The following MYO5A variants were observed in gnomAD, a reference collection of about 807,000 sequenced individuals.
The protein encoded by MYO5A is unconventional myosin-Va.
Under a neutral mutation model 249.7 loss-of-function variants are expected in MYO5A, and 98 were observed. That is an observed-to-expected ratio of 0.39 (90% CI 0.33 to 0.46). The LOEUF (loss-of-function observed/expected upper bound fraction) is 0.46, where lower values mean the gene tolerates loss of function less well. MYO5A is among the 20% of genes least tolerant of loss of function. MYO5A has a pLI of 0.98. For missense variants in MYO5A, 1,696 were observed against 2,308.8 expected (o/e 0.73, Z 5.44); for synonymous variants, 778 against 810.6 (o/e 0.96, Z 0.68).
chr15:52,475,067 C>T (rs1455176836), intron 1 of MYO5A, among the ~76,000 whole-genome samples: 3 of 152,128 alleles, frequency 2.0e-5, no homozygotes, highest in Non-Finnish European at 2.9e-5. Context: ...ATTTCAGAGC[C>T]TGTTATTGGT....
chr15:52,390,544 C>T (rs545884879), intron 12 of MYO5A, among the ~76,000 whole-genome samples: 45 of 150,514 alleles, frequency 3.0e-4, no homozygotes, highest in Non-Finnish European at 1.5e-5. Flanking sequence ...TTATTTCTCC[C>T]TCTCTTTTTT....
intron 9 of MYO5A, among the ~76,000 whole-genome samples, chr15:52,399,678 A>G (rs957412248): frequency 7.9e-5 from 12 of 151,964 alleles, no homozygotes; most frequent in African/African-American, 2.9e-4. Flanking sequence ...TGTATTTTAG[A>G]ATCAGGGGGC....
chr15:52,414,793 C>G (rs1941982408), intron 5 of MYO5A, among the ~76,000 whole-genome samples: 1 of 152,160 alleles, frequency 6.6e-6, no homozygotes. Context: ...ATTCTATTTC[C>G]CCAGTATTAA....
intron 1 of MYO5A, among the ~76,000 whole-genome samples, chr15:52,464,710 G>A (rs2076319554): frequency 6.6e-6 from 1 of 152,198 alleles, no homozygotes; most frequent in African/African-American, 2.4e-5. Flanking sequence ...CATGTGCCAT[G>A]GTAGGCAGTT....
chr15:52,528,285 C>T (rs914132022), intron 1 of MYO5A, among the ~76,000 whole-genome samples: 8 of 152,332 alleles, frequency 5.3e-5, no homozygotes, highest in African/African-American at 1.9e-4. Flanking sequence ...GGTGATACGG[C>T]CACCGTTTGC....
At chr15:52,416,726 T>C (rs961801358) in intron 4 of MYO5A, among the ~76,000 whole-genome samples, 4 of 152,194 alleles carry the variant, frequency 2.6e-5, no homozygotes, top group African/African-American at 7.2e-5. Flanking sequence ...ATCATTTCTT[T>C]TCAAGAAAAA....
At chr15:52,336,631 C>T in intron 33 of MYO5A, 75 bp from the exon 34 acceptor site, 1 of 1,090,024 alleles carries the variant, frequency 9.2e-7, no homozygotes, top group Non-Finnish European at 1.4e-6. Flanking sequence ...AAAATAGACA[C>T]AATATCACAG....
At chr15:52,494,094 A>G (rs2076990338) in intron 1 of MYO5A, among the ~76,000 whole-genome samples, 1 of 152,214 alleles carries the variant, frequency 6.6e-6, no homozygotes, top group Admixed American at 6.5e-5. Flanking sequence ...GGAGGACCAG[A>G]GCAAATCAGC....
chr15:52,397,177 G>C, intron 10 of MYO5A, 24 bp downstream of exon 10: 1 of 1,612,422 alleles, frequency 6.2e-7, no homozygotes, highest in Non-Finnish European at 8.5e-7. Flanking sequence ...TTCTCTGGCA[G>C]ACCAATTAGC....
chr15:52,462,265 C>CA (rs71425749), intron 1 of MYO5A, among the ~76,000 whole-genome samples: 464 of 83,224 alleles, frequency 5.6e-3, no homozygotes, highest in African/African-American at 0.015. Flanking sequence ...GACTCTGTCT[C>CA]AAAAAAAAAA....
intron 34 of MYO5A, among the ~76,000 whole-genome samples, chr15:52,334,882 G>A (rs145442893): frequency 9.2e-5 from 14 of 152,330 alleles, no homozygotes; most frequent in African/African-American, 2.4e-4. Context: ...GAACCATAAC[G>A]TCTGTCTGGG....
chr15:52,445,300 T>C (rs1030564514), intron 1 of MYO5A, among the ~76,000 whole-genome samples: 4 of 152,174 alleles, frequency 2.6e-5, no homozygotes, highest in African/African-American at 9.7e-5. Context: ...TGCCATGTGA[T>C]GTGTCTGCTC....
intron 1 of MYO5A, among the ~76,000 whole-genome samples, chr15:52,453,723 GTT>G (rs1223723011): frequency 1.3e-5 from 2 of 151,826 alleles, no homozygotes; most frequent in African/African-American, 2.4e-5. Context: ...GATTATAGAG[GTT>G]TTTTTTAAAA....
At position 52,327,369 on chromosome 15, in the gene MYO5A, T is replaced by C. The variant is rs181949365; in HGVS notation, c.4710+483A>G. On this transcript the variant is annotated intron_variant, in intron 36 of 41. Coordinates refer to ENST00000399233, the MANE Select transcript of MYO5A (RefSeq NM_001382347.1). Reference sequence around the variant, plus strand: ...GAGCCCTGTTTTGAAAGAAGCCAGATAGACATGTTCAAGGAAGAATGTTTC... The same window carrying C: ...GAGCCCTGTTTTGAAAGAAGCCAGACAGACATGTTCAAGGAAGAATGTTTC... 3.6e-3 allele frequency among the ~76,000 whole-genome samples: 546 copies of C among 152,288 alleles called. 2 individuals carry two copies. The highest frequency in any genetic ancestry group is 4.8e-3 in the Non-Finnish European group (324 of 68,028).
chr15:52,493,651 G>C (rs1162118284), intron 1 of MYO5A, among the ~76,000 whole-genome samples: 2 of 151,508 alleles, frequency 1.3e-5, no homozygotes, highest in African/African-American at 4.9e-5. Flanking sequence ...GATAGAGCGA[G>C]ACTCAGTCTC....
intron 1 of MYO5A, among the ~76,000 whole-genome samples, chr15:52,508,046 C>T (rs909675268): frequency 1.2e-4 from 18 of 151,914 alleles, no homozygotes; most frequent in African/African-American, 3.9e-4. Flanking sequence ...TATGGTCACA[C>T]AAGGAGAAGC....
chr15:52,336,611 G>A, intron 33 of MYO5A, 55 bp from the exon 34 acceptor site: 1 of 1,259,038 alleles, frequency 7.9e-7, no homozygotes, highest in South Asian at 1.3e-5. Context: ...CTTCTAAAAT[G>A]CATCAAAGGA....
chr15:52,394,876 T>G (rs1285691318), intron 11 of MYO5A, among the ~76,000 whole-genome samples: 2 of 152,258 alleles, frequency 1.3e-5, no homozygotes, highest in Non-Finnish European at 2.9e-5. Context: ...TTTTTATTAA[T>G]GTTCTTTATG....
At chr15:52,347,055 T>C (rs1455801615) in intron 29 of MYO5A, among the ~76,000 whole-genome samples, 2 of 152,088 alleles carry the variant, frequency 1.3e-5, no homozygotes, top group East Asian at 3.8e-4. Context: ...AACATAGTAC[T>C]TAAGCTTTTG....
Sources: gnomAD v4.1 joint callset for allele counts (sites outside exome capture counted in the v4.1 genomes callset) on GRCh38, gnomAD v4.1.1 for gene constraint, MANE v1.5 for transcripts, NCBI Gene and HGNC (gene_info 2026-07-23, HGNC 2026-07-21) for gene names.